Variants in AP3B1 observed in about 807,000 individuals in gnomAD.
AP3B1 encodes the protein adaptor related protein complex 3 subunit beta 1.
In AP3B1, 61 loss-of-function variants were observed where a neutral mutation model predicts 132.5. That is an observed-to-expected ratio of 0.46 (90% CI 0.37 to 0.57). AP3B1 has a LOEUF of 0.57. Among genes scored for constraint, AP3B1 ranks in the 20% least tolerant of loss-of-function variants. AP3B1 has a pLI of 0.00. For missense variants in AP3B1, 1,120 were observed against 1,289.4 expected, an observed-to-expected ratio of 0.87 and a Z score of 2.01; for synonymous variants, 388 against 438.3, an observed-to-expected ratio of 0.89 and a Z score of 1.43.
At chr5:78,083,832 T>C (rs927671109) in intron 22 of AP3B1, among the ~76,000 whole-genome samples, 4 of 152,212 alleles carry the variant, frequency 2.6e-5, no homozygotes, top group East Asian at 1.9e-4. Context: ...ATAGTGACTT[T>C]TTTAATTAGA....
intron 14 of AP3B1, among the ~76,000 whole-genome samples, chr5:78,146,929 C>G (rs1215195342): frequency 6.6e-6 from 1 of 152,000 alleles, no homozygotes; most frequent in Non-Finnish European, 1.5e-5. Context: ...TTCCTTTATG[C>G]CTAAATACAT....
intron 26 of AP3B1, among the ~76,000 whole-genome samples, chr5:78,014,126 G>A (rs1286863058): frequency 6.6e-6 from 1 of 152,044 alleles, no homozygotes; most frequent in Non-Finnish European, 1.5e-5. Context: ...TCGCGCCACT[G>A]CGCTCCAGCC....
At chr5:78,043,623 T>C in intron 22 of AP3B1, 1 of 486,594 alleles carries the variant, frequency 2.1e-6, no homozygotes. Context: ...TTGGTACCCC[T>C]GCCAATGGGC....
intron 1 of AP3B1, among the ~76,000 whole-genome samples, chr5:78,283,593 C>T (rs527582778): frequency 6.6e-6 from 1 of 152,314 alleles, no homozygotes; most frequent in Admixed American, 6.5e-5. Context: ...CAATTAATGA[C>T]TCCCAAATCT....
chr5:78,166,981 CAAAGAT>C (rs1389098526), intron 11 of AP3B1, among the ~76,000 whole-genome samples: 1 of 152,108 alleles, frequency 6.6e-6, no homozygotes, highest in Non-Finnish European at 1.5e-5. Context: ...GCAACAAAAA[CAAAGAT>C]AAATAGATGG....
chr5:78,211,273 C>CT (rs1314643895), intron 7 of AP3B1, among the ~76,000 whole-genome samples: 1 of 152,184 alleles, frequency 6.6e-6, no homozygotes, highest in African/African-American at 2.4e-5. Flanking sequence ...TCAGCTTTGA[C>CT]TTGACATCCA....
At chr5:78,187,772 C>G (rs972812088) in intron 7 of AP3B1, among the ~76,000 whole-genome samples, 1 of 152,064 alleles carries the variant, frequency 6.6e-6, no homozygotes, top group African/African-American at 2.4e-5. Flanking sequence ...CTCATGTAGC[C>G]AAGACAATGC....
downstream of AP3B1, chr5:78,000,606 A>G (rs1746178695): frequency 7.0e-6 from 1 of 143,146 alleles, no homozygotes; most frequent in African/African-American, 2.5e-5. Flanking sequence ...TCTCATAATA[A>G]ATAAAGCAAA....
chr5:78,137,685 TG>T (rs1752976400), intron 15 of AP3B1, among the ~76,000 whole-genome samples: 1 of 152,246 alleles, frequency 6.6e-6, no homozygotes, highest in Non-Finnish European at 1.5e-5. Context: ...TGTATTTTTC[TG>T]GAGTTTACAG....
At chr5:78,180,718 A>T (rs1031679547) in intron 8 of AP3B1, among the ~76,000 whole-genome samples, 11 of 151,786 alleles carry the variant, frequency 7.2e-5, no homozygotes, top group East Asian at 5.8e-4. Flanking sequence ...TTGGTTAAAA[A>T]ATATATATAT....
chr5:78,047,253 T>C (rs1241690090), intron 22 of AP3B1, among the ~76,000 whole-genome samples: 2 of 152,242 alleles, frequency 1.3e-5, no homozygotes, highest in African/African-American at 4.8e-5. Context: ...TATTTCTGGT[T>C]CTGGATCCTT....
chr5:78,020,271 G>C (rs1747035308), intron 25 of AP3B1, among the ~76,000 whole-genome samples: 1 of 152,096 alleles, frequency 6.6e-6, no homozygotes, highest in Admixed American at 6.5e-5. Context: ...GTAGTTTAAT[G>C]TGTGCAGGGA....
At chr5:78,247,821 A>C (rs577224682) in intron 2 of AP3B1, among the ~76,000 whole-genome samples, 2 of 152,190 alleles carry the variant, frequency 1.3e-5, no homozygotes, top group Non-Finnish European at 2.9e-5. Context: ...GACCACTTAC[A>C]TGTAATAGAA....
chr5:78,176,922 T>C (rs1744169984), intron 9 of AP3B1, among the ~76,000 whole-genome samples: 1 of 152,178 alleles, frequency 6.6e-6, no homozygotes, highest in Non-Finnish European at 1.5e-5. Context: ...CTACATTACT[T>C]AGCATACACA....
intron 1 of AP3B1, among the ~76,000 whole-genome samples, chr5:78,290,211 T>A (rs1250137027): frequency 6.6e-6 from 1 of 152,174 alleles, no homozygotes; most frequent in Non-Finnish European, 1.5e-5. Context: ...TCAACTTAAA[T>A]CCAGGTCTTC....
intron 22 of AP3B1, among the ~76,000 whole-genome samples, chr5:78,056,785 T>C (rs561077638): frequency 2.0e-5 from 3 of 152,342 alleles, no homozygotes; most frequent in Admixed American, 1.3e-4. Flanking sequence ...CAAAGGCTTT[T>C]AGAGGATGTT....
At position 78,088,519 on chromosome 5, in the gene AP3B1, A is replaced by ATTATATT. The variant is rs1206013146; in HGVS notation, c.2577+873_2577+874insAATATAA. Among the ~76,000 whole-genome samples the ATTATATT allele has an allele frequency of 4.6e-5, 7 of 152,302 alleles. No homozygotes were observed. The South Asian group carries it at 6.2e-4, about 14-fold the overall frequency. ...AGGAATTTTTTCCATAATAACACAC[A>ATTATATT]AGAATTAAACACTTCTTTTCTCCCA... On this transcript the variant is annotated intron_variant, in intron 22 of 26. Coordinates refer to ENST00000255194, the MANE Select transcript of AP3B1 (RefSeq NM_003664.5).
intron 24 of AP3B1, among the ~76,000 whole-genome samples, chr5:78,026,420 G>A (rs545148067): frequency 6.6e-6 from 1 of 152,318 alleles, no homozygotes; most frequent in South Asian, 2.1e-4. Context: ...AAACGGGCAA[G>A]CAGCCTATTC....
intron 2 of AP3B1, among the ~76,000 whole-genome samples, chr5:78,252,412 G>A (rs1403881023): frequency 1.3e-5 from 2 of 152,154 alleles, no homozygotes; most frequent in Admixed American, 6.5e-5. Context: ...CTTGGCTCTT[G>A]GACAGCATTT....
Sources: gnomAD v4.1 joint callset for allele counts (sites outside exome capture counted in the v4.1 genomes callset) on GRCh38, gnomAD v4.1.1 for gene constraint, MANE v1.5 for transcripts, NCBI Gene and HGNC (gene_info 2026-07-23, HGNC 2026-07-21) for gene names.